CYFIP1: variants seen among roughly 807,000 people sequenced by gnomAD.
CYFIP1 encodes the protein cytoplasmic FMR1-interacting protein 1.
A neutral mutation model predicts 163.5 loss-of-function variants in CYFIP1; 58 were observed. The ratio of observed to expected loss-of-function variants is 0.35; its 90% CI spans 0.29 to 0.44. The LOEUF is 0.44. CYFIP1 is among the 20% of genes least tolerant of loss of function. The pLI, the probability that CYFIP1 is intolerant of heterozygous loss-of-function variation, is 1.00. For missense variants in CYFIP1, 1,338 were observed against 1,653.8 expected, an observed-to-expected ratio of 0.81 and a Z score of 3.31; for synonymous variants, 663 against 660.7, an observed-to-expected ratio of 1.00 and a Z score of -0.05.
chr15:22,935,322 A>G (rs1034633462), intron 9 of CYFIP1, among the ~76,000 whole-genome samples: 1 of 152,220 alleles, frequency 6.6e-6, no homozygotes, highest in Non-Finnish European at 1.5e-5. Context: ...GCACTGCAGA[A>G]CAATGGGCTT....
chr15:22,973,756 TCAA>T (rs1345302345), intron 1 of CYFIP1, among the ~76,000 whole-genome samples: 6 of 152,172 alleles, frequency 3.9e-5, no homozygotes, highest in African/African-American at 1.4e-4. Flanking sequence ...AAGGAATCAA[TCAA>T]CAAAGTGACA....
At chr15:22,965,036 T>TTGTGTG (rs56857768) in intron 1 of CYFIP1, among the ~76,000 whole-genome samples, 1,552 of 149,488 alleles carry the variant, frequency 0.01, 18 homozygotes, top group Non-Finnish European at 0.013. Flanking sequence ...TAGTATTCCA[T>TTGTGTG]TGTGTGTGTG....
chr15:22,964,204 A>T (rs1317356092), intron 1 of CYFIP1, among the ~76,000 whole-genome samples: 1 of 139,606 alleles, frequency 7.2e-6, no homozygotes, highest in African/African-American at 2.7e-5. Context: ...CTACTTTCCC[A>T]GCCAGATGAT....
At chr15:22,936,682 C>T (rs975006848) in intron 9 of CYFIP1, among the ~76,000 whole-genome samples, 1 of 152,194 alleles carries the variant, frequency 6.6e-6, no homozygotes, top group Non-Finnish European at 1.5e-5. Flanking sequence ...TCGACCAGAG[C>T]TGCACTGTTT....
intron 21 of CYFIP1, among the ~76,000 whole-genome samples, chr15:22,908,213 CT>C (rs2142042447): frequency 6.6e-6 from 1 of 152,260 alleles, no homozygotes; most frequent in South Asian, 2.1e-4. Context: ...CAAATTTTTG[CT>C]TCAAGAAATA....
intron 21 of CYFIP1, chr15:22,905,222 T>C (rs1184340261): frequency 6.6e-6 from 1 of 152,206 alleles, no homozygotes; most frequent in South Asian, 2.1e-4. Context: ...TATTTCTAAG[T>C]GTTGACAAGC....
intron 13 of CYFIP1, among the ~76,000 whole-genome samples, chr15:22,920,292 G>A (rs2061130598): frequency 6.6e-6 from 1 of 150,984 alleles, no homozygotes; most frequent in Admixed American, 6.6e-5. Flanking sequence ...AGCCTCCTGG[G>A]TAACTAGTTC....
intron 12 of CYFIP1, among the ~76,000 whole-genome samples, chr15:22,927,379 A>G (rs1247538726): frequency 1.3e-5 from 2 of 149,556 alleles, no homozygotes; most frequent in East Asian, 4.0e-4. Flanking sequence ...CTAACTCAGG[A>G]GGCTGAGGCA....
intron 1 of CYFIP1, among the ~76,000 whole-genome samples, chr15:22,950,450 A>G (rs2062210160): frequency 6.6e-6 from 1 of 152,144 alleles, no homozygotes; most frequent in African/African-American, 2.4e-5. Context: ...CCTCAATGTG[A>G]ATGCACCCGG....
At position 22,968,485 on chromosome 15, in the gene CYFIP1, C is replaced by T. The variant is rs369317070; in HGVS notation, c.-7+11802G>A. ...CCGGGTCTTTAGCCTATGGGCCTGC[C>T]TTGCAAACGCTGGACTTGCCAGCCT... On this transcript the variant is annotated intron_variant, in intron 1 of 30. Transcript: ENST00000617928. Among the ~76,000 whole-genome samples, 27 of 152,268 alleles carry T rather than the reference C, an allele frequency of 1.8e-4. No homozygotes were observed. In the South Asian group the frequency reaches 5.4e-3, roughly 30 times the overall value.
At chr15:22,912,472 C>T (rs1450589472) in intron 17 of CYFIP1, 197 bp from the exon 18 acceptor site, 3 of 498,030 alleles carry the variant, frequency 6.0e-6, no homozygotes, top group African/African-American at 4.0e-5. Flanking sequence ...CACCAGGCTG[C>T]GAGGATGCTT....
chr15:22,959,848 C>G (rs1427419546), intron 1 of CYFIP1, among the ~76,000 whole-genome samples: 1 of 152,170 alleles, frequency 6.6e-6, no homozygotes, highest in African/African-American at 2.4e-5. Flanking sequence ...GGTTGATGAC[C>G]AAAGGCTACA....
chr15:22,905,753 C>G lies in CYFIP1; in HGVS notation c.2389-1848G>C, dbSNP rs866199540. ...GAGTGCCCAGCCTTCATTCTTATTTCTGTTTTTTTTTTTGTTTTTGTTTTG... is the reference window on the plus strand; with the variant it reads ...GAGTGCCCAGCCTTCATTCTTATTTGTGTTTTTTTTTTTGTTTTTGTTTTG... On this transcript the variant is annotated intron_variant, in intron 21 of 30. Coordinates refer to ENST00000617928, the MANE Select transcript of CYFIP1 (RefSeq NM_014608.6). Among the ~76,000 whole-genome samples the G allele has an allele frequency of 4.4e-4, 54 of 122,996 alleles. 1 individual carries two copies. Among genetic ancestry groups the G allele is most frequent in the South Asian group, 2.6e-3 (9 of 3,454 alleles). The allele number at this position is 122,996 out of a possible 152,430, so 80.7% of individuals were successfully genotyped here. A position where few individuals can be genotyped will look rare whatever the true frequency, so the allele number is the denominator to read the frequency against.
At chr15:22,885,402 A>C (rs1184695046) in intron 23 of CYFIP1, among the ~76,000 whole-genome samples, 1 of 152,142 alleles carries the variant, frequency 6.6e-6, no homozygotes, top group Non-Finnish European at 1.5e-5. Flanking sequence ...GTTAGCCTGC[A>C]CTTTATTGTC....
rs1566924825 is a variant in CYFIP1, at chr15:22,882,923, C to G, written c.2765G>C (p.Gly922Ala). 1 of 1,614,090 alleles carries G rather than the reference C, an allele frequency of 6.2e-7. No individual in the cohort carries two copies. The highest frequency in any genetic ancestry group is 8.5e-7 in the Non-Finnish European group (1 of 1,179,970). The change falls in exon 24 of 31, where the codon GGC becomes GCC. Residue 922 changes from glycine (G) to alanine (A), a missense_variant. Gly to Ala is a moderately conservative substitution (Grantham distance 60, BLOSUM62 0). Around this residue, in one of 4 missense-constraint regions of CYFIP1, gnomAD observed 824 missense variants for 995.7 expected, o/e 0.83. Coordinates refer to ENST00000617928, the MANE Select transcript of CYFIP1 (RefSeq NM_014608.6). ...PHFQVICRLL[G>A]YQGIAVVMEE... is the part of the protein sequence containing the mutation. Reference sequence around the variant, plus strand: ...CATGACCACGGCGATACCCTGGTAGCCGAGAAGCCGGCAGATGACTTGAAA... The same window carrying G: ...CATGACCACGGCGATACCCTGGTAGGCGAGAAGCCGGCAGATGACTTGAAA...
At chr15:22,974,937 C>A (rs1182205067) in intron 1 of CYFIP1, among the ~76,000 whole-genome samples, 3 of 150,992 alleles carry the variant, frequency 2.0e-5, no homozygotes, top group African/African-American at 2.4e-5. Flanking sequence ...CTGCCTTTGC[C>A]ACCCCCAAGA....
intron 1 of CYFIP1, among the ~76,000 whole-genome samples, chr15:22,957,620 A>G (rs937198011): frequency 1.3e-5 from 2 of 152,220 alleles, no homozygotes; most frequent in Non-Finnish European, 2.9e-5. Flanking sequence ...TGGGCGACAG[A>G]GCAAGACTCC....
chr15:22,920,694 G>C (rs1268721566), intron 13 of CYFIP1, among the ~76,000 whole-genome samples: 1 of 152,166 alleles, frequency 6.6e-6, no homozygotes, highest in Admixed American at 6.5e-5. Context: ...ATTTTAGAAA[G>C]GAAAAAGTCT....
chr15:22,876,113 T>C (rs1035417593), intron 26 of CYFIP1, among the ~76,000 whole-genome samples: 1 of 151,756 alleles, frequency 6.6e-6, no homozygotes, highest in Non-Finnish European at 1.5e-5. Context: ...CCCACAGCCA[T>C]GCTGAAATCT....
Sources: gnomAD v4.1 joint callset for allele counts (sites outside exome capture counted in the v4.1 genomes callset) on GRCh38, gnomAD v4.1.1 for gene constraint, gnomAD v4.1.1 regional missense constraint, MANE v1.5 for transcripts, NCBI Gene and HGNC (gene_info 2026-07-23, HGNC 2026-07-21) for gene names.